TNS1: variants seen among roughly 807,000 people sequenced by gnomAD.
TNS1 encodes the protein tensin-1.
Under a neutral mutation model 168.6 loss-of-function variants are expected in TNS1, and 62 were observed. That is an observed-to-expected ratio of 0.37 (90% CI 0.30 to 0.45). The LOEUF (loss-of-function observed/expected upper bound fraction) is 0.45. Among genes scored for constraint, TNS1 ranks in the 20% least tolerant of loss-of-function variants. TNS1 has a pLI of 1.00. For missense variants in TNS1, 2,240 were observed against 2,339.4 expected (o/e 0.96, Z 0.88); for synonymous variants, 934 against 933.2 (o/e 1.00, Z -0.02).
chr2:217,882,775 C>T (rs1282915710), intron 16 of TNS1, among the ~76,000 whole-genome samples: 3 of 151,992 alleles, frequency 2.0e-5, no homozygotes, highest in Non-Finnish European at 2.9e-5. Context: ...GATGGAGTCT[C>T]GCTCTGTCGC....
At chr2:217,922,396 A>G (rs936687427) in intron 3 of TNS1, among the ~76,000 whole-genome samples, 3 of 151,988 alleles carry the variant, frequency 2.0e-5, no homozygotes, top group Non-Finnish European at 4.4e-5. Flanking sequence ...AGGGAGTACA[A>G]TTCCCAGGAC....
chr2:218,008,266 C>G (rs527746837), intron 1 of TNS1, among the ~76,000 whole-genome samples: 1 of 152,206 alleles, frequency 6.6e-6, no homozygotes, highest in South Asian at 2.1e-4. Flanking sequence ...ACTCAGGCCC[C>G]GCAAAGGCTG....
intron 1 of TNS1, among the ~76,000 whole-genome samples, chr2:218,026,335 T>G (rs536067993): frequency 1.3e-5 from 2 of 152,226 alleles, no homozygotes; most frequent in Admixed American, 6.5e-5. Flanking sequence ...CCCTACCGCC[T>G]GCCTTTTGGG....
At chr2:218,022,276 C>G (rs892419394) in intron 1 of TNS1, among the ~76,000 whole-genome samples, 11 of 152,060 alleles carry the variant, frequency 7.2e-5, no homozygotes, top group Non-Finnish European at 1.3e-4. Flanking sequence ...TACTCCTGGG[C>G]AGGAGAGTCA....
At chr2:217,929,798 C>T (rs1314229293) in intron 3 of TNS1, among the ~76,000 whole-genome samples, 4 of 151,916 alleles carry the variant, frequency 2.6e-5, no homozygotes, top group Admixed American at 6.6e-5. Context: ...TAGGCAACTC[C>T]TCCTCCTAAA....
At chr2:217,912,413 T>C (rs988472906) in intron 4 of TNS1, among the ~76,000 whole-genome samples, 1 of 150,972 alleles carries the variant, frequency 6.6e-6, no homozygotes, top group Non-Finnish European at 1.5e-5. Flanking sequence ...CTCTCCCGAC[T>C]CTTGCCCCCT....
intron 3 of TNS1, among the ~76,000 whole-genome samples, chr2:217,932,983 C>T (rs1458162285): frequency 6.6e-6 from 1 of 152,174 alleles, no homozygotes; most frequent in Non-Finnish European, 1.5e-5. Flanking sequence ...GCAGAAAGTC[C>T]CGAGGGCAGG....
chr2:217,901,999 G>C (rs574880832), intron 6 of TNS1: 1 of 152,436 alleles, frequency 6.6e-6, no homozygotes, highest in Non-Finnish European at 1.5e-5. Flanking sequence ...GAAGAGCCAA[G>C]TGGGGCTACT....
intron 3 of TNS1, among the ~76,000 whole-genome samples, chr2:217,921,301 G>A (rs551495935): frequency 6.6e-6 from 1 of 152,302 alleles, no homozygotes; most frequent in South Asian, 2.1e-4. Context: ...GAGGTTATCT[G>A]GGAACAAGCC....
chr2:217,964,037 C>A (rs138034762), intron 3 of TNS1, among the ~76,000 whole-genome samples: 1 of 152,136 alleles, frequency 6.6e-6, no homozygotes, highest in Non-Finnish European at 1.5e-5. Context: ...TGAGAGCTCA[C>A]CTCCTCACAA....
rs1958442951 is a variant in TNS1, at chr2:217,995,015, G to T, written c.34-3959C>A. 6.6e-6 allele frequency among the ~76,000 whole-genome samples: 1 copy of T among 152,198 alleles called. No individual in the cohort carries two copies. The highest frequency in any genetic ancestry group is 1.5e-5 in the Non-Finnish European group (1 of 68,030). ...ACCAGACAGTCTGAGTGTAGAGAGA[G>T]GGGGAAATGACACAACATTCCCTTT... is the stretch of plus-strand genomic sequence containing the variant. On this transcript the variant is annotated intron_variant, in intron 1 of 32. Coordinates refer to ENST00000682258, the MANE Select transcript of TNS1 (RefSeq NM_001387777.1). This position sits in a 1 kb window ranked among gnomAD's most constrained non-coding sequence, Gnocchi z 4.1.
intron 22 of TNS1, among the ~76,000 whole-genome samples, chr2:217,822,534 G>A (rs1199074822): frequency 6.6e-6 from 1 of 152,134 alleles, no homozygotes; most frequent in Non-Finnish European, 1.5e-5. Flanking sequence ...GACACACTCA[G>A]CATTCCTCTA....
At chr2:217,808,741 C>T in intron 30 of TNS1, 70 bp from the exon 31 acceptor site, 1 of 1,422,744 alleles carries the variant, frequency 7.0e-7, no homozygotes, top group Non-Finnish European at 9.9e-7. Context: ...CTTCCACCAG[C>T]AGGTCAGGCC....
chr2:218,010,261 C>T, exon 1 of TNS1: 1 of 398,556 alleles, frequency 2.5e-6, no homozygotes, highest in East Asian at 3.6e-5. Context: ...GCTCCTGGCG[C>T]AGAGTTCCGG....
intron 7 of TNS1, among the ~76,000 whole-genome samples, chr2:217,898,838 A>G (rs1043459999): frequency 6.6e-6 from 1 of 151,904 alleles, no homozygotes; most frequent in African/African-American, 2.4e-5. Context: ...ATCTCTCCCA[A>G]CTTTTCTTCC....
At chr2:218,009,856 C>G (rs1453926483) in intron 1 of TNS1, among the ~76,000 whole-genome samples, 2 of 152,252 alleles carry the variant, frequency 1.3e-5, no homozygotes, top group Non-Finnish European at 2.9e-5. Context: ...CCAAGACACC[C>G]AGGGGTGTGC....
intron 23 of TNS1, among the ~76,000 whole-genome samples, chr2:217,820,166 T>C (rs1942598294): frequency 6.6e-6 from 1 of 152,036 alleles, no homozygotes; most frequent in African/African-American, 2.4e-5. Flanking sequence ...GACACTAAAA[T>C]GGAGTTCTGG....
chr2:217,955,042 C>T (rs1330484595), intron 3 of TNS1, among the ~76,000 whole-genome samples: 3 of 152,200 alleles, frequency 2.0e-5, no homozygotes, highest in Non-Finnish European at 4.4e-5. Flanking sequence ...CAGGTACCCA[C>T]GGGCTGTCTG....
chr2:218,010,047 G>A (rs994519176), intron 1 of TNS1: 4 of 394,960 alleles, frequency 1.0e-5, no homozygotes, highest in Non-Finnish European at 1.8e-5. Flanking sequence ...GCGTCTGGGA[G>A]GGAGGGGGCG....
Sources: gnomAD v4.1 joint callset for allele counts (sites outside exome capture counted in the v4.1 genomes callset) on GRCh38, gnomAD v4.1.1 for gene constraint, Gnocchi (gnomAD v3.1) non-coding constraint, MANE v1.5 for transcripts, NCBI Gene and HGNC (gene_info 2026-07-23, HGNC 2026-07-21) for gene names.